The following DENND3 variants were observed in gnomAD, a reference collection of about 807,000 sequenced individuals.
DENND3 encodes the protein DENN domain-containing protein 3.
DENND3 carries 88 observed loss-of-function variants against 135.1 expected under a neutral mutation model. The ratio of observed to expected loss-of-function variants is 0.65; its 90% CI spans 0.55 to 0.78. DENND3 has a LOEUF of 0.78. Among genes scored for constraint, DENND3 ranks in the 30% least tolerant of loss-of-function variants. The pLI, the probability that DENND3 is intolerant of heterozygous loss-of-function variation, is 0.00. For missense variants in DENND3, 1,392 were observed against 1,688.4 expected (o/e 0.82, Z 3.08); for synonymous variants, 693 against 712.3 (o/e 0.97, Z 0.43).
At chr8:141,188,798 A>G (rs1412592818) in intron 18 of DENND3, 188 bp from the exon 19 acceptor site, 18 of 649,880 alleles carry the variant, frequency 2.8e-5, no homozygotes, top group Non-Finnish European at 4.6e-5. Flanking sequence ...CACGCGGAGA[A>G]CAAGGTTATG....
chr8:141,176,589 A>G lies in DENND3; in HGVS notation c.2536-2A>G. On this transcript the variant is annotated splice_acceptor_variant, in intron 14 of 22. Transcript: ENST00000519811. LOFTEE classifies it high-confidence loss of function. Reference sequence around the variant, plus strand: ...CCTAACTTTTCTTTTCTGCCTCTGCAGGAGGTCAGGAGAACCACTACTACA... The same window carrying G: ...CCTAACTTTTCTTTTCTGCCTCTGCGGGAGGTCAGGAGAACCACTACTACA... The G allele has an allele frequency of 6.2e-7, 1 of 1,614,210 alleles. No individual in the cohort carries two copies.
At chr8:141,151,910 G>A (rs968075194) in intron 7 of DENND3, 73 bp downstream of exon 7, 22 of 1,561,074 alleles carry the variant, frequency 1.4e-5, no homozygotes, top group East Asian at 2.3e-5. Context: ...GGGAAGATGC[G>A]TCTGAAAGTG....
chr8:141,143,208 GA>G (rs958662890), intron 4 of DENND3, among the ~76,000 whole-genome samples: 4 of 152,110 alleles, frequency 2.6e-5, no homozygotes, highest in Non-Finnish European at 5.9e-5. Flanking sequence ...TCTCCACGTG[GA>G]CAAAAAATGG....
chr8:141,161,717 C>T (rs909671048), intron 9 of DENND3, among the ~76,000 whole-genome samples: 33 of 152,008 alleles, frequency 2.2e-4, no homozygotes, highest in African/African-American at 7.7e-4. Context: ...AGGGGCCTTC[C>T]GCTTTGGGAG....
At chr8:141,172,059 GGT>G (rs1037132086) in intron 13 of DENND3, among the ~76,000 whole-genome samples, 1 of 149,902 alleles carries the variant, frequency 6.7e-6, no homozygotes, top group Non-Finnish European at 1.5e-5. Flanking sequence ...TGAGCATAGT[GGT>G]GGGCACGCTG....
At chr8:141,185,945 C>CT (rs1299226934) in intron 18 of DENND3, among the ~76,000 whole-genome samples, 1 of 151,112 alleles carries the variant, frequency 6.6e-6, no homozygotes, top group African/African-American at 2.4e-5. Context: ...CAATTTCCTT[C>CT]TTTTTTTTCT....
chr8:141,156,091 G>A (rs1358871163), intron 8 of DENND3, 121 bp downstream of exon 8: 3 of 1,306,254 alleles, frequency 2.3e-6, no homozygotes, highest in Non-Finnish European at 3.0e-6. Context: ...TTATAGTTTG[G>A]AAATTATTTG....
At chr8:141,136,377 T>G in intron 1 of DENND3, 132 bp from the exon 2 acceptor site, 1 of 965,042 alleles carries the variant, frequency 1.0e-6, no homozygotes, top group Non-Finnish European at 1.5e-6. Context: ...CCTTTACTGT[T>G]AGGAGCCTGA....
chr8:141,178,218 C>A, intron 16 of DENND3, 22 bp downstream of exon 16: 1 of 1,600,774 alleles, frequency 6.2e-7, no homozygotes, highest in Non-Finnish European at 8.6e-7. Flanking sequence ...CCGTTCTTAG[C>A]GTGGATCATT....
chr8:141,163,835 G>C (rs1363754659), intron 10 of DENND3, among the ~76,000 whole-genome samples: 1 of 151,562 alleles, frequency 6.6e-6, no homozygotes, highest in Non-Finnish European at 1.5e-5. Context: ...TTGAACCCAG[G>C]GGGTGGAGGT....
intron 20 of DENND3, 149 bp downstream of exon 20, chr8:141,190,566 A>C: frequency 8.2e-7 from 1 of 1,224,956 alleles, no homozygotes; most frequent in Non-Finnish European, 1.1e-6. Flanking sequence ...GGTCGCAGCA[A>C]CCTTTACTCC....
chr8:141,155,704 G>A, intron 7 of DENND3, 145 bp from the exon 8 acceptor site: 1 of 1,051,616 alleles, frequency 9.5e-7, no homozygotes, highest in Non-Finnish European at 1.3e-6. Flanking sequence ...ACTGCACCCG[G>A]CCTATGTGTG....
intron 17 of DENND3, among the ~76,000 whole-genome samples, chr8:141,183,841 C>A (rs1823522871): frequency 6.6e-6 from 1 of 151,910 alleles, no homozygotes; most frequent in South Asian, 2.1e-4. Flanking sequence ...AAAAGCTGTC[C>A]TGGCGGGGGT....
At chr8:141,156,711 C>T (rs918275883) in intron 8 of DENND3, among the ~76,000 whole-genome samples, 13 of 152,036 alleles carry the variant, frequency 8.6e-5, no homozygotes, top group African/African-American at 2.4e-4. Flanking sequence ...ATGGGCATGA[C>T]GCATTCTGTC....
chr8:141,169,984 A>T (rs964944035), intron 13 of DENND3, among the ~76,000 whole-genome samples: 1 of 152,160 alleles, frequency 6.6e-6, no homozygotes, highest in African/African-American at 2.4e-5. Flanking sequence ...CTGCTTTGAG[A>T]TGTGAGAACC....
rs768505154 is a variant in DENND3, at chr8:141,146,445, T to C, written c.735+2186T>C. Among the ~76,000 whole-genome samples, 1 of 152,234 alleles carries C rather than the reference T, an allele frequency of 6.6e-6. No individual in the cohort carries two copies. Among genetic ancestry groups the C allele is most frequent in the Non-Finnish European group, 1.5e-5 (1 of 68,036 alleles). On this transcript the variant is annotated intron_variant, in intron 5 of 22. Coordinates refer to ENST00000519811, the MANE Select transcript of DENND3 (RefSeq NM_001352890.3). This position sits in a 1 kb window ranked among gnomAD's most constrained non-coding sequence, Gnocchi z 4.3. ...TTTGACTCAGCATGTTCCAAACTAA[T>C]TTTAACTGTACTTAGGATGCTGCTT... is the stretch of plus-strand genomic sequence containing the variant.
chr8:141,157,269 G>T, intron 8 of DENND3: 1 of 983,076 alleles, frequency 1.0e-6, no homozygotes, highest in Non-Finnish European at 1.2e-6. Flanking sequence ...TCAGGGGAGG[G>T]TGAGAGGAGG....
rs117858110 is a variant in DENND3, at chr8:141,184,310, G to A, written c.2945-829G>A. Among the ~76,000 whole-genome samples, 151 of 152,206 alleles carry A rather than the reference G, an allele frequency of 9.9e-4. 3 individuals are homozygous for A. In the East Asian group the frequency reaches 0.027, roughly 27 times the overall value. On this transcript the variant is annotated intron_variant, in intron 17 of 22. Coordinates refer to ENST00000519811, the MANE Select transcript of DENND3 (RefSeq NM_001352890.3). ...TACAGCACCATGGAGTCAGTTAGGG[G>A]CTCATATCCAGAACACCGGAACAGC...
intron 18 of DENND3, 160 bp from the exon 19 acceptor site, chr8:141,188,826 C>G (rs1824284854): frequency 1.1e-6 from 1 of 877,478 alleles, no homozygotes; most frequent in Non-Finnish European, 1.7e-6. Context: ...GGGTGGATGA[C>G]AACGTCAGGG....
Sources: gnomAD v4.1 joint callset for allele counts (sites outside exome capture counted in the v4.1 genomes callset) on GRCh38, gnomAD v4.1.1 for gene constraint, Gnocchi (gnomAD v3.1) non-coding constraint, MANE v1.5 for transcripts, NCBI Gene and HGNC (gene_info 2026-07-23, HGNC 2026-07-21) for gene names.